PKD1L3: variants seen among roughly 807,000 people sequenced by gnomAD.
The protein encoded by PKD1L3 is polycystin-1-like protein 3.
PKD1L3 carries 239 observed loss-of-function variants against 184.1 expected under a neutral mutation model. The observed-to-expected ratio is 1.30, with a 90% CI of 1.17 to 1.45. The LOEUF (loss-of-function observed/expected upper bound fraction) is 1.45, where lower values mean the gene tolerates loss of function less well. Among genes scored for constraint, PKD1L3 ranks in the 40% most tolerant of loss-of-function variants. The pLI, the probability that PKD1L3 is intolerant of heterozygous loss-of-function variation, is 0.00. For synonymous variants in PKD1L3, 996 were observed against 778.8 expected (o/e 1.28, Z -4.64); for missense variants, 2,660 against 2,067.2 (o/e 1.29, Z -5.56).
intron 2 of PKD1L3, among the ~76,000 whole-genome samples, chr16:71,997,414 C>G (rs200989713): frequency 0.18 from 26,989 of 150,030 alleles, 2,599 homozygotes; most frequent in Non-Finnish European, 0.19. Context: ...TAACAAGACC[C>G]CCCCCCCCAC....
In PKD1L3 at chr16:71,993,335, A is replaced by G. The variant is rs1004473129; in HGVS notation, c.419-3T>C. 1.3e-5 allele frequency: 20 copies of G among 1,527,218 alleles called. No individual in the cohort carries two copies. Among genetic ancestry groups the G allele is most frequent in the Non-Finnish European group, 1.7e-5 (19 of 1,128,544 alleles). The allele number at this position is 1,527,218 out of a possible 1,614,324, so 94.6% of individuals were successfully genotyped here. A position where few individuals can be genotyped will look rare whatever the true frequency, so the allele number is the denominator to read the frequency against. On this transcript the variant is annotated splice_region_variant and splice_polypyrimidine_tract_variant and intron_variant, in intron 2 of 29. Coordinates refer to ENST00000620267, the MANE Select transcript of PKD1L3 (RefSeq NM_181536.2). ...GGCATCTCCGTCCAAAAAGTCACCT[A>G]TTTGAAAGCCAACACACAAGTTAAT... is the stretch of plus-strand genomic sequence containing the variant.
In PKD1L3 at chr16:71,929,688, GAAGACAAA is replaced by G. The variant is rs763200054; in HGVS notation, c.5059-18_5059-11del. 8 of 1,526,108 alleles carry G rather than the reference GAAGACAAA, an allele frequency of 5.2e-6. No homozygotes were observed. The highest frequency in any genetic ancestry group is 1.4e-5 in the African/African-American group (1 of 71,570). The allele number at this position is 1,526,108 out of a possible 1,614,324, so 94.5% of individuals were successfully genotyped here. A position where few individuals can be genotyped will look rare whatever the true frequency, so the allele number is the denominator to read the frequency against. The stretch of plus-strand genomic sequence containing the variant: ...TTAGTGCAGCTTCTTTCTGAGTATT[GAAGACAAA>G]AAGAGAAAAGTGAGAAAATTGAAAT... On this transcript the variant is annotated splice_polypyrimidine_tract_variant and intron_variant, in intron 29 of 29. Coordinates refer to ENST00000620267, the MANE Select transcript of PKD1L3 (RefSeq NM_181536.2).
chr16:71,979,718 T>G, intron 9 of PKD1L3, 68 bp downstream of exon 9: 1 of 1,445,932 alleles, frequency 6.9e-7, no homozygotes, highest in Non-Finnish European at 9.1e-7. Context: ...ATACATTACT[T>G]TCACCCAAAT....
chr16:71,935,615 A>T, intron 25 of PKD1L3, 97 bp from the exon 26 acceptor site: 1 of 1,139,290 alleles, frequency 8.8e-7, no homozygotes, highest in Non-Finnish European at 1.2e-6. Context: ...TCTGTGGGCA[A>T]AGCACACTGC....
intron 22 of PKD1L3, among the ~76,000 whole-genome samples, chr16:71,945,342 A>C (rs2038551913): frequency 8.4e-6 from 1 of 118,538 alleles, no homozygotes; most frequent in African/African-American, 3.1e-5. Context: ...ACACACACAC[A>C]TATATTTATA....
chr16:71,973,663 G>T, intron 11 of PKD1L3, 146 bp from the exon 12 acceptor site: 1 of 807,426 alleles, frequency 1.2e-6, no homozygotes, highest in Non-Finnish European at 1.9e-6. Flanking sequence ...AAAATGACCA[G>T]TGATACAACC....
At chr16:71,934,496 C>CA (rs2038106831) in intron 26 of PKD1L3, among the ~76,000 whole-genome samples, 1 of 152,302 alleles carries the variant, frequency 6.6e-6, no homozygotes, top group East Asian at 1.9e-4. Context: ...AGAGAGGAGC[C>CA]ATGCTGCTGG....
At position 71,993,334 on chromosome 16, in the gene PKD1L3, T is replaced by TA; in HGVS notation, c.419-3dup. 1 of 1,530,920 alleles carries TA rather than the reference T, an allele frequency of 6.5e-7. No homozygotes were observed. Among genetic ancestry groups the TA allele is most frequent in the Non-Finnish European group, 8.8e-7 (1 of 1,131,658 alleles). 94.8% of individuals were successfully genotyped at this position (1,530,920 alleles called of 1,614,324 possible). A position where few individuals can be genotyped will look rare whatever the true frequency, so the allele number is the denominator to read the frequency against. ...GGGCATCTCCGTCCAAAAAGTCACCTATTTGAAAGCCAACACACAAGTTAA... is the reference window on the plus strand; with the variant it reads ...GGGCATCTCCGTCCAAAAAGTCACCTAATTTGAAAGCCAACACACAAGTTAA... On this transcript the variant is annotated splice_region_variant and splice_polypyrimidine_tract_variant and intron_variant, in intron 2 of 29. Coordinates refer to ENST00000620267, the MANE Select transcript of PKD1L3 (RefSeq NM_181536.2).
intron 4 of PKD1L3, among the ~76,000 whole-genome samples, chr16:71,988,297 G>T (rs1448425607): frequency 6.6e-6 from 1 of 152,100 alleles, no homozygotes; most frequent in African/African-American, 2.4e-5. Flanking sequence ...CAGGTTCAAG[G>T]AATTCTTCTG....
At chr16:71,950,431 T>A in intron 19 of PKD1L3, 121 bp from the exon 20 acceptor site, 2 of 858,452 alleles carry the variant, frequency 2.3e-6, no homozygotes, top group Non-Finnish European at 3.5e-6. Flanking sequence ...CTAGCAGAGA[T>A]TGGACCGTAC....
intron 17 of PKD1L3, 98 bp downstream of exon 17, chr16:71,954,007 G>A (rs2038949572): frequency 9.5e-7 from 1 of 1,053,726 alleles, no homozygotes; most frequent in Non-Finnish European, 1.3e-6. Flanking sequence ...CTTGAGGCCA[G>A]GAGTTCTAGA....
At chr16:71,945,341 C>CAT (rs1214097234) in intron 22 of PKD1L3, among the ~76,000 whole-genome samples, 1 of 104,208 alleles carries the variant, frequency 9.6e-6, no homozygotes, top group Non-Finnish European at 1.9e-5. Flanking sequence ...CACACACACA[C>CAT]ATATATTTAT....
chr16:71,972,021 C>T (rs2039730923), intron 12 of PKD1L3, among the ~76,000 whole-genome samples: 1 of 151,772 alleles, frequency 6.6e-6, no homozygotes, highest in Admixed American at 6.6e-5. Context: ...TCGAGACCAT[C>T]CTGGCTAACA....
chr16:71,932,016 C>T (rs569328147), intron 28 of PKD1L3, among the ~76,000 whole-genome samples: 1 of 152,222 alleles, frequency 6.6e-6, no homozygotes, highest in Non-Finnish European at 1.5e-5. Context: ...GTAACAGGAA[C>T]TACAGGTACA....
At chr16:71,953,613 C>T (rs368537657) in intron 17 of PKD1L3, among the ~76,000 whole-genome samples, 12 of 152,238 alleles carry the variant, frequency 7.9e-5, no homozygotes, top group Non-Finnish European at 7.4e-5. Flanking sequence ...TTTTAATCCC[C>T]GAGACGGGGT....
intron 23 of PKD1L3, among the ~76,000 whole-genome samples, chr16:71,943,247 A>G (rs1389603552): frequency 6.6e-6 from 1 of 152,108 alleles, no homozygotes; most frequent in Non-Finnish European, 1.5e-5. Flanking sequence ...ATAAGATACA[A>G]TGGCTGTGGC....
chr16:71,952,440 C>T (rs563605728), intron 18 of PKD1L3, among the ~76,000 whole-genome samples: 4 of 150,906 alleles, frequency 2.7e-5, no homozygotes, highest in East Asian at 2.0e-4. Context: ...AGGATGGTCT[C>T]GATCTCCTGA....
chr16:71,947,622 C>A, intron 21 of PKD1L3, 31 bp from the exon 22 acceptor site: 1 of 1,359,984 alleles, frequency 7.4e-7, no homozygotes, highest in Non-Finnish European at 1.0e-6. Flanking sequence ...ACATCGTGAG[C>A]AGACATTACA....
chr16:71,936,906 A>G (rs918912846), intron 25 of PKD1L3, among the ~76,000 whole-genome samples: 1 of 152,220 alleles, frequency 6.6e-6, no homozygotes, highest in Non-Finnish European at 1.5e-5. Context: ...GAAAGAGCCA[A>G]TCTATTTGGT....
Sources: allele counts gnomAD v4.1 joint callset (sites outside exome capture counted in the v4.1 genomes callset), GRCh38; gene constraint gnomAD v4.1.1; transcripts MANE v1.5; gene names NCBI Gene and HGNC (gene_info 2026-07-23, HGNC 2026-07-21).